RHBDL3: variants seen among roughly 807,000 people sequenced by gnomAD.
The protein encoded by RHBDL3 is rhomboid like 3, also known as rhomboid-related protein 3.
In RHBDL3, 28 loss-of-function variants were observed where a neutral mutation model predicts 48.2. The observed-to-expected ratio is 0.58, with a 90% confidence interval of 0.43 to 0.80. The LOEUF (loss-of-function observed/expected upper bound fraction) is 0.80, where lower values mean the gene tolerates loss of function less well. Among genes scored for constraint, RHBDL3 ranks in the 30% least tolerant of loss-of-function variants. The pLI is 0.00. For missense variants in RHBDL3, 464 were observed against 542.7 expected (o/e 0.85, Z 1.44); for synonymous variants, 208 against 232.3 (o/e 0.90, Z 0.95).
At chr17:32,288,515 G>A (rs1257279244) in intron 3 of RHBDL3, 2 of 432,032 alleles carry the variant, frequency 4.6e-6, no homozygotes, top group Non-Finnish European at 8.4e-6. Flanking sequence ...AGCTCTCGGT[G>A]TCTCAGTTTC....
At chr17:32,319,559 C>G (rs2041064115) in intron 8 of RHBDL3, among the ~76,000 whole-genome samples, 1 of 152,080 alleles carries the variant, frequency 6.6e-6, no homozygotes, top group African/African-American at 2.4e-5. Context: ...AAGGCTGTCC[C>G]AGGGCAGGAG....
chr17:32,294,296 T>A lies in RHBDL3; in HGVS notation c.522T>A (p.Val174=). The A allele has an allele frequency of 1.2e-6, 2 of 1,613,758 alleles. No individual in the cohort carries two copies. The highest frequency in any genetic ancestry group is 1.7e-4 in the Middle Eastern group (1 of 6,060). Residue 174 remains valine, a splice_region_variant and synonymous_variant, in exon 5 of 9, where the codon GTT becomes GTA. Coordinates refer to ENST00000269051, the MANE Select transcript of RHBDL3 (RefSeq NM_138328.3). ...WFMITVTLLE[V]AFFLYNGVSL... ...CAGACTCTCTCTCTTCTGTCCAGGTTGCCTTTTTCCTCTACAATGGGGTGT... is the reference window on the plus strand; with the variant it reads ...CAGACTCTCTCTCTTCTGTCCAGGTAGCCTTTTTCCTCTACAATGGGGTGT...
chr17:32,297,614 C>T (rs949154049), intron 5 of RHBDL3, among the ~76,000 whole-genome samples: 1 of 145,926 alleles, frequency 6.9e-6, no homozygotes, highest in African/African-American at 2.5e-5. Context: ...ATCTCTGAAC[C>T]TTGGTTTTTC....
chr17:32,296,775 TTTTTATTTTA>T (rs140902896), intron 5 of RHBDL3, among the ~76,000 whole-genome samples: 12,425 of 141,092 alleles, frequency 0.088, 572 homozygotes, highest in Middle Eastern at 0.19. Context: ...CCGTAGCTCT[TTTTTATTTTA>T]TTTTATTTTA....
chr17:32,324,389 C>T lies in RHBDL3; in HGVS notation c.*3160C>T, dbSNP rs146766288. On this transcript the variant is annotated 3_prime_UTR_variant, in exon 9 of 9. Coordinates refer to ENST00000269051, the MANE Select transcript of RHBDL3 (RefSeq NM_138328.3). ...CAGCGTCCAATTTAATTTGCAAATA[C>T]GTAATGCAGATTCCCTGGGTGCCGT... 114 of 152,700 alleles carry T rather than the reference C, an allele frequency of 7.5e-4. No individual in the cohort carries two copies. Among genetic ancestry groups the T allele is most frequent in the African/African-American group, 2.6e-3 (110 of 41,544 alleles). 9.5% of individuals were successfully genotyped at this position (152,700 alleles called of 1,614,324 possible).
intron 7 of RHBDL3, among the ~76,000 whole-genome samples, chr17:32,315,562 C>T (rs563323336): frequency 3.9e-5 from 6 of 152,252 alleles, no homozygotes; most frequent in East Asian, 3.9e-4. Context: ...GCATCCTTTC[C>T]GAGTGATGTG....
rs1269680627 is a variant in RHBDL3, at chr17:32,323,537, C to G, written c.*2308C>G. Reference sequence around the variant, plus strand: ...TGGTGTGGGTGGAATGAGCAGAGTGCCACCTCTGTCTGGTATGACCTGGAG... The same window carrying G: ...TGGTGTGGGTGGAATGAGCAGAGTGGCACCTCTGTCTGGTATGACCTGGAG... On this transcript the variant is annotated 3_prime_UTR_variant, in exon 9 of 9. Transcript: ENST00000269051. 6.6e-6 allele frequency: 1 copy of G among 152,308 alleles called. No homozygotes were observed. The highest frequency in any genetic ancestry group is 1.5e-5 in the Non-Finnish European group (1 of 68,174). The allele number at this position is 152,308 out of a possible 1,614,324, so 9.4% of individuals were successfully genotyped here. A position where few individuals can be genotyped will look rare whatever the true frequency, so the allele number is the denominator to read the frequency against.
chr17:32,304,171 C>A (rs942813371), intron 6 of RHBDL3, among the ~76,000 whole-genome samples: 5 of 152,190 alleles, frequency 3.3e-5, no homozygotes, highest in Non-Finnish European at 5.9e-5. Context: ...CCTCGCATAC[C>A]CTTCCTTTCC....
chr17:32,285,161 G>T (rs2040165403), intron 3 of RHBDL3, among the ~76,000 whole-genome samples: 1 of 152,042 alleles, frequency 6.6e-6, no homozygotes, highest in South Asian at 2.1e-4. Flanking sequence ...ATGGAGGGAA[G>T]GGGAGAGAGA....
At chr17:32,302,426 G>T (rs1307596019) in intron 6 of RHBDL3, among the ~76,000 whole-genome samples, 2 of 151,610 alleles carry the variant, frequency 1.3e-5, no homozygotes, top group African/African-American at 4.9e-5. Context: ...GCACGATCTC[G>T]GCTCACTGCA....
chr17:32,279,497 T>TCTCCC (rs1403095343), intron 2 of RHBDL3, among the ~76,000 whole-genome samples: 3 of 152,066 alleles, frequency 2.0e-5, no homozygotes, highest in African/African-American at 7.2e-5. Flanking sequence ...CTGCTGTCCC[T>TCTCCC]CTCCCCAGTG....
rs901636656 is a variant in RHBDL3, at chr17:32,266,024, C to T, written c.-166C>T. 2.1e-5 allele frequency among the ~76,000 whole-genome samples: 3 copies of T among 145,790 alleles called. No homozygotes were observed. In the East Asian group the frequency reaches 6.0e-4, roughly 29 times the overall value. Reference sequence around the variant, plus strand: ...CGGGGTCGCGAGGAGGCGGCGGCGGCGCGGGGACCGGGGCCATGGGGGCGG... The same window carrying T: ...CGGGGTCGCGAGGAGGCGGCGGCGGTGCGGGGACCGGGGCCATGGGGGCGG... On this transcript the variant is annotated 5_prime_UTR_variant, in exon 1 of 9. Coordinates refer to ENST00000269051, the MANE Select transcript of RHBDL3 (RefSeq NM_138328.3).
chr17:32,276,587 T>A (rs1363069733), intron 2 of RHBDL3, among the ~76,000 whole-genome samples: 1 of 152,088 alleles, frequency 6.6e-6, no homozygotes, highest in Non-Finnish European at 1.5e-5. Context: ...GGGCCAGCAG[T>A]TGAGCCATGG....
chr17:32,299,696 G>A (rs893285312), intron 6 of RHBDL3, among the ~76,000 whole-genome samples: 1 of 152,150 alleles, frequency 6.6e-6, no homozygotes, highest in Non-Finnish European at 1.5e-5. Context: ...ACATGCAGTG[G>A]GGAGACAGAG....
At chr17:32,297,971 C>T (rs568418503) in intron 5 of RHBDL3, 121 bp from the exon 6 acceptor site, 1 of 705,276 alleles carries the variant, frequency 1.4e-6, no homozygotes, top group East Asian at 2.6e-5. Context: ...TCCTCGCAGG[C>T]AGAGGTGGTC....
chr17:32,320,994 T>G lies in RHBDL3; in HGVS notation c.980T>G (p.Phe327Cys), dbSNP rs1281990884. ...MEFGRAVWLR[F>C]HPSAYPPCPH... ...TTTGGGCGGGCCGTGTGGCTCCGCT[T>G]CCACCCGTCGGCCTATCCCCCGTGC... is the stretch of plus-strand genomic sequence containing the variant. Residue 327 changes from phenylalanine (F) to cysteine (C), a missense_variant, in exon 9 of 9, where the codon TTC becomes TGC. Coordinates refer to ENST00000269051, the MANE Select transcript of RHBDL3 (RefSeq NM_138328.3). 1.9e-6 allele frequency: 3 copies of G among 1,613,756 alleles called. No homozygotes were observed. The Admixed American group carries it at 5.0e-5, about 27-fold the overall frequency.
chr17:32,267,192 G>T (rs1163011892), intron 1 of RHBDL3, among the ~76,000 whole-genome samples: 4 of 152,080 alleles, frequency 2.6e-5, no homozygotes, highest in South Asian at 2.1e-4. Flanking sequence ...GGGTTGGGGG[G>T]TAGTTTACGA....
intron 3 of RHBDL3, among the ~76,000 whole-genome samples, chr17:32,286,507 T>C (rs1021280704): frequency 7.2e-5 from 11 of 152,206 alleles, no homozygotes; most frequent in Admixed American, 1.3e-4. Flanking sequence ...GGAAAGAGCC[T>C]CTGAGCCTGC....
At chr17:32,274,434 A>T (rs8070320) in intron 2 of RHBDL3, among the ~76,000 whole-genome samples, 51,380 of 152,182 alleles carry the variant, frequency 0.34, 9,279 homozygotes, top group African/African-American at 0.47. Context: ...AGCAAGGTAC[A>T]GGTTGAAATC....
Sources: allele counts gnomAD v4.1 joint callset (sites outside exome capture counted in the v4.1 genomes callset), GRCh38; gene constraint gnomAD v4.1.1; transcripts MANE v1.5; gene names NCBI Gene and HGNC (gene_info 2026-07-23, HGNC 2026-07-21).